BMPR1B: variants seen among roughly 807,000 people sequenced by gnomAD.
BMPR1B encodes bone morphogenetic protein receptor type 1B.
Under a neutral mutation model 59.1 loss-of-function variants are expected in BMPR1B, and 12 were observed. The observed-to-expected ratio is 0.20, with a 90% CI of 0.13 to 0.33. The LOEUF is 0.33. BMPR1B is among the 10% of genes least tolerant of loss of function. The pLI is 1.00. For synonymous variants in BMPR1B, 237 were observed against 207.3 expected, an observed-to-expected ratio of 1.14 and a Z score of -1.23; for missense variants, 550 against 610.9, an observed-to-expected ratio of 0.90 and a Z score of 1.05.
At chr4:95,137,104 T>C (rs938323284) in intron 10 of BMPR1B, among the ~76,000 whole-genome samples, 2 of 152,218 alleles carry the variant, frequency 1.3e-5, no homozygotes, top group African/African-American at 2.4e-5. Flanking sequence ...GATTCTGGTA[T>C]GTTTGTGTCT....
intron 10 of BMPR1B, among the ~76,000 whole-genome samples, chr4:95,137,623 T>G (rs1733897831): frequency 6.6e-6 from 1 of 152,188 alleles, no homozygotes; most frequent in Non-Finnish European, 1.5e-5. Context: ...TTTAGGATAG[T>G]TAGCTCTTGT....
chr4:94,976,781 T>G (rs1163094766), intron 2 of BMPR1B, among the ~76,000 whole-genome samples: 1 of 152,142 alleles, frequency 6.6e-6, no homozygotes, highest in African/African-American at 2.4e-5. Flanking sequence ...AATGAGAGGC[T>G]GTTATATTCC....
intron 2 of BMPR1B, among the ~76,000 whole-genome samples, chr4:94,982,126 A>T (rs550093322): frequency 2.0e-5 from 3 of 152,360 alleles, no homozygotes; most frequent in African/African-American, 7.2e-5. Flanking sequence ...GAGAATACAT[A>T]AAAAACAATG....
chr4:95,134,830 G>A (rs1477475485), intron 10 of BMPR1B, among the ~76,000 whole-genome samples: 1 of 152,142 alleles, frequency 6.6e-6, no homozygotes, highest in African/African-American at 2.4e-5. Flanking sequence ...CACTCTGATG[G>A]TAGTTTCTTT....
intron 2 of BMPR1B, among the ~76,000 whole-genome samples, chr4:94,954,199 T>C (rs1730056281): frequency 6.6e-6 from 1 of 152,184 alleles, no homozygotes; most frequent in Non-Finnish European, 1.5e-5. Context: ...ATTCTCTCTC[T>C]GACCAAACCA....
At chr4:94,917,831 C>T (rs1377742536) in intron 2 of BMPR1B, among the ~76,000 whole-genome samples, 1 of 152,136 alleles carries the variant, frequency 6.6e-6, no homozygotes. Context: ...TATTTGTCCT[C>T]ACCTAACTCT....
intron 3 of BMPR1B, among the ~76,000 whole-genome samples, chr4:95,020,752 G>A (rs916526050): frequency 9.9e-5 from 15 of 152,106 alleles, no homozygotes; most frequent in African/African-American, 3.6e-4. Context: ...AGAGTACAGT[G>A]GCACGATCGT....
intron 1 of BMPR1B, among the ~76,000 whole-genome samples, chr4:94,770,180 G>GTTTTTTTTTTTTTTTTTTTTTTTTT (rs1553903537): frequency 1.3e-4 from 14 of 106,252 alleles, no homozygotes; most frequent in African/African-American, 5.0e-4. Flanking sequence ...CTTCGTTTCT[G>GTTTTTTTTTTTTTTTTTTTTTTTTT]TGTTTGTTTT....
intron 2 of BMPR1B, among the ~76,000 whole-genome samples, chr4:94,987,816 A>AAT (rs1193781767): frequency 1.3e-5 from 2 of 152,082 alleles, no homozygotes; most frequent in Non-Finnish European, 2.9e-5. Flanking sequence ...AATTATGGGT[A>AAT]TCTGTATGAA....
intron 1 of BMPR1B, among the ~76,000 whole-genome samples, chr4:94,829,530 G>T (rs894011473): frequency 6.6e-6 from 1 of 152,080 alleles, no homozygotes; most frequent in Non-Finnish European, 1.5e-5. Flanking sequence ...CTCCCAAGGT[G>T]CCAGGATTAT....
intron 2 of BMPR1B, among the ~76,000 whole-genome samples, chr4:94,987,756 GT>G (rs374848281): frequency 1.7e-4 from 25 of 148,282 alleles, no homozygotes; most frequent in East Asian, 3.9e-4. Context: ...ATATACGGCA[GT>G]TTTTTTTTTC....
chr4:95,153,063 A>G (rs1412235379), intron 12 of BMPR1B, among the ~76,000 whole-genome samples: 3 of 152,188 alleles, frequency 2.0e-5, no homozygotes, highest in African/African-American at 7.2e-5. Context: ...ACATTTGCAT[A>G]AAACCTATTA....
intron 2 of BMPR1B, among the ~76,000 whole-genome samples, chr4:94,991,530 G>C (rs1011624034): frequency 6.6e-6 from 1 of 152,180 alleles, no homozygotes; most frequent in Non-Finnish European, 1.5e-5. Flanking sequence ...GGTGCACTTT[G>C]AACAGGGACT....
chr4:94,869,162 T>A (rs901251013), intron 1 of BMPR1B, among the ~76,000 whole-genome samples: 1 of 150,384 alleles, frequency 6.6e-6, no homozygotes, highest in South Asian at 2.1e-4. Flanking sequence ...AAAGGAAGAA[T>A]AATAATTTGT....
intron 3 of BMPR1B, among the ~76,000 whole-genome samples, chr4:95,097,818 A>G (rs979506715): frequency 6.6e-6 from 1 of 152,130 alleles, no homozygotes; most frequent in Non-Finnish European, 1.5e-5. Flanking sequence ...TTACAAGTGT[A>G]AGCCACCGCG....
Position 94,934,453 on chromosome 4 carries a change from G to GTTTTTTTT in BMPR1B, c.-113+58564_-113+58571dup, listed in dbSNP as rs371268875. 3.4e-3 allele frequency among the ~76,000 whole-genome samples: 387 copies of GTTTTTTTT among 115,052 alleles called. 5 individuals carry two copies. The highest frequency in any genetic ancestry group is 5.8e-3 in the African/African-American group (164 of 28,104). The allele number at this position is 115,052 out of a possible 152,430, so 75.5% of individuals were successfully genotyped here. ...TCAGTGGGAACTTTTCCCAGCTATG[G>GTTTTTTTT]TTTTTTTTTTTTTTTTTTCTCCTCC... is the stretch of plus-strand genomic sequence containing the variant. On this transcript the variant is annotated intron_variant, in intron 2 of 12. Coordinates refer to ENST00000515059, the MANE Select transcript of BMPR1B (RefSeq NM_001203.3).
chr4:94,988,908 G>A (rs1233134853), intron 2 of BMPR1B, among the ~76,000 whole-genome samples: 1 of 151,884 alleles, frequency 6.6e-6, no homozygotes, highest in Non-Finnish European at 1.5e-5. Flanking sequence ...TACTTCTAAC[G>A]AGGCACATCC....
chr4:95,110,783 T>C (rs913883341), intron 4 of BMPR1B, among the ~76,000 whole-genome samples: 3 of 152,192 alleles, frequency 2.0e-5, no homozygotes, highest in African/African-American at 7.2e-5. Flanking sequence ...CCTTGCATAC[T>C]CAGCACCCAG....
At chr4:94,803,036 T>C (rs943512305) in intron 1 of BMPR1B, among the ~76,000 whole-genome samples, 1 of 152,122 alleles carries the variant, frequency 6.6e-6, no homozygotes, top group Non-Finnish European at 1.5e-5. Context: ...CTGAATGCCG[T>C]ATTGACCTCC....
Sources: gnomAD v4.1 joint callset for allele counts (sites outside exome capture counted in the v4.1 genomes callset) on GRCh38, gnomAD v4.1.1 for gene constraint, MANE v1.5 for transcripts, NCBI Gene and HGNC (gene_info 2026-07-23, HGNC 2026-07-21) for gene names.